PKHD1: variants seen among roughly 807,000 people sequenced by gnomAD.
The protein encoded by PKHD1 is PKHD1 ciliary IPT domain containing fibrocystin/polyductin, also known as fibrocystin.
A neutral mutation model predicts 412.0 loss-of-function variants in PKHD1; 291 were observed. The ratio of observed to expected loss-of-function variants is 0.71; its 90% CI spans 0.64 to 0.78. The LOEUF (loss-of-function observed/expected upper bound fraction) is 0.78, where lower values mean the gene tolerates loss of function less well. PKHD1 is among the 30% of genes least tolerant of loss of function. PKHD1 has a pLI of 0.00. For missense variants in PKHD1, 4,825 were observed against 4,950.7 expected, an observed-to-expected ratio of 0.97 and a Z score of 0.76; for synonymous variants, 1,777 against 1,821.5, an observed-to-expected ratio of 0.98 and a Z score of 0.62.
intron 55 of PKHD1, among the ~76,000 whole-genome samples, chr6:51,759,777 G>C (rs903027536): frequency 6.6e-6 from 1 of 152,076 alleles, no homozygotes; most frequent in African/African-American, 2.4e-5. Flanking sequence ...TATTAGCAAT[G>C]TATTGTTACT....
chr6:51,670,926 C>A (rs1416844204), intron 60 of PKHD1, among the ~76,000 whole-genome samples: 1 of 152,034 alleles, frequency 6.6e-6, no homozygotes, highest in African/African-American at 2.4e-5. Flanking sequence ...TGCTGGTAGT[C>A]TGATGGGCTT....
intron 60 of PKHD1, among the ~76,000 whole-genome samples, chr6:51,736,076 C>T (rs1783806877): frequency 6.6e-6 from 1 of 152,090 alleles, no homozygotes; most frequent in South Asian, 2.1e-4. Context: ...AGAGTAGAAC[C>T]CGTTGATGGC....
intron 13 of PKHD1, 142 bp downstream of exon 13, chr6:52,064,813 C>A (rs1321454270): frequency 8.9e-6 from 4 of 449,632 alleles, no homozygotes; most frequent in Non-Finnish European, 8.0e-6. Flanking sequence ...AGAGCCTTGA[C>A]AATGGTATCA....
chr6:51,732,107 G>T (rs1405652986), intron 60 of PKHD1, among the ~76,000 whole-genome samples: 3 of 152,056 alleles, frequency 2.0e-5, no homozygotes, highest in Non-Finnish European at 4.4e-5. Context: ...TTAAAATGAT[G>T]ATTTTTAAAT....
At chr6:51,714,926 A>G (rs1781077807) in intron 60 of PKHD1, among the ~76,000 whole-genome samples, 1 of 152,158 alleles carries the variant, frequency 6.6e-6, no homozygotes, top group African/African-American at 2.4e-5. Flanking sequence ...ATGTCTGAAC[A>G]CATGAATACA....
rs1806760935 is a variant in PKHD1 at position 52,051,031 on chromosome 6, G to A, written c.2141-736C>T. 2.0e-5 allele frequency among the ~76,000 whole-genome samples: 3 copies of A among 152,332 alleles called. 1 individual carries two copies. The South Asian group carries it at 6.2e-4, about 32-fold the overall frequency. On this transcript the variant is annotated intron_variant, in intron 21 of 66. Transcript: ENST00000371117. ...AATGGAGACTTTAAAGAGTTTAAGGGCAACACCTTTGTCTAATTCGTCTTC... is the reference window on the plus strand; with the variant it reads ...AATGGAGACTTTAAAGAGTTTAAGGACAACACCTTTGTCTAATTCGTCTTC...
chr6:51,835,906 A>G (rs1016330442), intron 51 of PKHD1, among the ~76,000 whole-genome samples: 2 of 152,244 alleles, frequency 1.3e-5, no homozygotes, highest in African/African-American at 2.4e-5. Flanking sequence ...AATAAACAAA[A>G]ACAAACAATG....
intron 35 of PKHD1, among the ~76,000 whole-genome samples, chr6:51,961,953 G>C (rs900382845): frequency 6.6e-6 from 1 of 152,050 alleles, no homozygotes; most frequent in Admixed American, 6.6e-5. Context: ...CTCAAGAATT[G>C]GGACCCAGAG....
At position 52,058,515 on chromosome 6, in the gene PKHD1, C is replaced by T; in HGVS notation, c.1320G>A (p.Lys440=). The change falls in exon 16 of 67, where the codon AAG becomes AAA. Residue 440 remains lysine, a synonymous_variant. Transcript: ENST00000371117. Reference sequence around the variant, plus strand: ...CACCCAACAGCTCCAACTTGGGAGTCTTCTGCTGCCAGGTCCCTTCATCCC... The same window carrying T: ...CACCCAACAGCTCCAACTTGGGAGTTTTCTGCTGCCAGGTCCCTTCATCCC... ...QNRDEGTWQQ[K]TPKLELLGGA... 1 of 1,614,202 alleles carries T rather than the reference C, an allele frequency of 6.2e-7. No homozygotes were observed. Among genetic ancestry groups the T allele is most frequent in the Non-Finnish European group, 8.5e-7 (1 of 1,180,022 alleles).
rs1377629320 is a variant in PKHD1 at position 51,675,759 on chromosome 6, G to C, written c.10157-15790C>G. Among the ~76,000 whole-genome samples the C allele has an allele frequency of 4.6e-5, 7 of 152,290 alleles. No homozygotes were observed. The South Asian group carries it at 1.4e-3, about 32-fold the overall frequency. ...CATTCCTTTCCAAAAGGCTAGGGTG[G>C]ACAGGGCTTAATAAATGCTGAGTGA... On this transcript the variant is annotated intron_variant, in intron 60 of 66. Coordinates refer to ENST00000371117, the MANE Select transcript of PKHD1 (RefSeq NM_138694.4).
intron 35 of PKHD1, among the ~76,000 whole-genome samples, chr6:51,996,230 C>T (rs549474998): frequency 2.1e-4 from 29 of 140,776 alleles, no homozygotes; most frequent in African/African-American, 4.7e-4. Context: ...AGGATAGTCT[C>T]GATCTCCTGA....
rs191799193 is a variant in PKHD1 at position 51,650,708 on chromosome 6, G to A, written c.11175-1488C>T. On this transcript the variant is annotated intron_variant, in intron 61 of 66. Coordinates refer to ENST00000371117, the MANE Select transcript of PKHD1 (RefSeq NM_138694.4). ...CTCCCCTGGGAATCCTAGGAAATGC[G>A]GGCAGAGTGCAAACATGTGGTCCTA... 9.5e-4 allele frequency among the ~76,000 whole-genome samples: 144 copies of A among 152,100 alleles called. 1 individual carries two copies. Among genetic ancestry groups the A allele is most frequent in the South Asian group, 3.9e-3 (19 of 4,818 alleles).
chr6:51,686,968 T>C (rs1459176598), intron 60 of PKHD1, among the ~76,000 whole-genome samples: 1 of 152,182 alleles, frequency 6.6e-6, no homozygotes, highest in Non-Finnish European at 1.5e-5. Context: ...GAAGTTACAT[T>C]TTCTCAGGTA....
At position 51,659,100 on chromosome 6, in the gene PKHD1, C is replaced by A. The variant is rs1400212034; in HGVS notation, c.11026G>T (p.Gly3676Ter). The change falls in exon 61 of 67, where the codon GGA becomes TGA. Residue 3676 changes from glycine to a stop codon, truncating the protein, a stop_gained. Transcript: ENST00000371117. LOFTEE classifies it high-confidence loss of function. ...TTACTTGATAAGGATGAAATCATTC[C>A]AGTGCTCCTTACTGTTGGCGAATCA... ...IGDSPTVRSTGMISSLSSNKL... is the reference protein window; with the variant it reads ...IGDSPTVRST 6.2e-7 allele frequency: 1 copy of A among 1,613,804 alleles called. No homozygotes were observed. Among genetic ancestry groups the A allele is most frequent in the Non-Finnish European group, 8.5e-7 (1 of 1,179,864 alleles).
chr6:51,803,518 T>G (rs1394424418), intron 52 of PKHD1, among the ~76,000 whole-genome samples: 1 of 150,496 alleles, frequency 6.6e-6, no homozygotes, highest in Non-Finnish European at 1.5e-5. Flanking sequence ...ATTCCTCTTT[T>G]TAATCCAAGA....
chr6:52,056,195 G>A (rs976107818), intron 18 of PKHD1, among the ~76,000 whole-genome samples: 8 of 152,134 alleles, frequency 5.3e-5, no homozygotes, highest in Admixed American at 2.6e-4. Context: ...TGTGTAGCAG[G>A]ATACGGAAAA....
chr6:51,994,263 T>G (rs1017716505), intron 35 of PKHD1, among the ~76,000 whole-genome samples: 2 of 151,868 alleles, frequency 1.3e-5, no homozygotes, highest in Non-Finnish European at 2.9e-5. Flanking sequence ...GCCTCCCGGG[T>G]AGCTGGGACT....
In PKHD1 at chr6:52,035,687, C is replaced by T. The variant is rs920924984; in HGVS notation, c.3132G>A (p.Leu1044=). 6.2e-7 allele frequency: 1 copy of T among 1,613,838 alleles called. No individual in the cohort carries two copies. The highest frequency in any genetic ancestry group is 8.5e-7 in the Non-Finnish European group (1 of 1,179,882). The part of the protein sequence containing the change: ...GLWATIRGSS[L]EGVSLILFGS... ...CAAATAATATCAGGCTAACACCTTC[C>T]AAACTAGAGCCTCGGATGGTGGCCC... The change falls in exon 28 of 67, where the codon TTG becomes TTA. Residue 1044 remains leucine (L), a synonymous_variant. Transcript: ENST00000371117.
intron 45 of PKHD1, among the ~76,000 whole-genome samples, chr6:51,884,938 C>A (rs1313643011): frequency 6.6e-6 from 1 of 152,208 alleles, no homozygotes; most frequent in East Asian, 1.9e-4. Context: ...ACATTTCGGA[C>A]TCCACCTGTT....
Sources: gnomAD v4.1 joint callset for allele counts (sites outside exome capture counted in the v4.1 genomes callset) on GRCh38, gnomAD v4.1.1 for gene constraint, MANE v1.5 for transcripts, NCBI Gene and HGNC (gene_info 2026-07-23, HGNC 2026-07-21) for gene names.